The following RSU1 variants were observed in gnomAD, a reference collection of about 807,000 sequenced individuals.
RSU1 encodes Ras suppressor protein 1.
Under a neutral mutation model 31.1 loss-of-function variants are expected in RSU1, and 26 were observed. That is an observed-to-expected ratio of 0.84 (90% confidence interval 0.61 to 1.16). The LOEUF (loss-of-function observed/expected upper bound fraction) is 1.16. Ranked by LOEUF, RSU1 falls within the 50% of genes most tolerant of loss-of-function variation. The pLI is 0.00. For synonymous variants in RSU1, 164 were observed against 136.3 expected (o/e 1.20, Z -1.41); for missense variants, 320 against 339.1 (o/e 0.94, Z 0.44).
intron 8 of RSU1, among the ~76,000 whole-genome samples, chr10:16,653,129 G>A (rs368710353): frequency 3.9e-5 from 6 of 152,270 alleles, no homozygotes; most frequent in East Asian, 3.9e-4. Flanking sequence ...TCTTTCCAAA[G>A]GCTCTAACAG....
intron 2 of RSU1, among the ~76,000 whole-genome samples, chr10:16,792,291 G>A (rs1837938652): frequency 6.6e-6 from 1 of 152,204 alleles, no homozygotes; most frequent in Admixed American, 6.5e-5. Context: ...GGAGTGCAGT[G>A]GCACAGTCTC....
At chr10:16,671,749 C>T (rs1462406853) in intron 8 of RSU1, among the ~76,000 whole-genome samples, 1 of 151,900 alleles carries the variant, frequency 6.6e-6, no homozygotes, top group African/African-American at 2.4e-5. Flanking sequence ...CCTCAGCCTC[C>T]CAAGCAGCTG....
intron 7 of RSU1, among the ~76,000 whole-genome samples, chr10:16,706,353 G>C (rs983841899): frequency 1.3e-5 from 2 of 152,150 alleles, no homozygotes; most frequent in Non-Finnish European, 2.9e-5. Context: ...AATGACTAGA[G>C]ATGTTGAACA....
intron 2 of RSU1, among the ~76,000 whole-genome samples, chr10:16,801,476 A>G (rs1157367430): frequency 6.6e-6 from 1 of 152,184 alleles, no homozygotes; most frequent in Non-Finnish European, 1.5e-5. Flanking sequence ...TCAGTAATTG[A>G]CAGATCCAGC....
At chr10:16,715,498 G>A (rs1836122360) in intron 7 of RSU1, among the ~76,000 whole-genome samples, 1 of 152,048 alleles carries the variant, frequency 6.6e-6, no homozygotes, top group Non-Finnish European at 1.5e-5. Flanking sequence ...TTAGGCAAGG[G>A]TCCAACTTCA....
At position 16,752,609 on chromosome 10, in the gene RSU1, G is replaced by T. The variant is rs1250801502; in HGVS notation, c.528C>A (p.Ile176=). ...GCTCTTTAAGCTGGGTAAGCTCCCCGATTTCCTTAGGCAGCGAGATCAGGT... is the reference window on the plus strand; with the variant it reads ...GCTCTTTAAGCTGGGTAAGCTCCCCTATTTCCTTAGGCAGCGAGATCAGGT... ...DNDLISLPKE[I]GELTQLKELH... The change falls in exon 7 of 9, where the codon ATC becomes ATA. Residue 176 remains isoleucine (I), a synonymous_variant. Coordinates refer to ENST00000345264, the MANE Select transcript of RSU1 (RefSeq NM_012425.4). 2 of 1,614,118 alleles carry T rather than the reference G, an allele frequency of 1.2e-6. No individual in the cohort carries two copies. Among genetic ancestry groups the T allele is most frequent in the South Asian group, 1.1e-5 (1 of 91,078 alleles).
At chr10:16,806,176 G>A (rs547929260) in intron 2 of RSU1, among the ~76,000 whole-genome samples, 1 of 152,286 alleles carries the variant, frequency 6.6e-6, no homozygotes, top group East Asian at 1.9e-4. Context: ...GTTCAAATGG[G>A]ATAAACATAG....
intron 8 of RSU1, among the ~76,000 whole-genome samples, chr10:16,677,636 G>A (rs938043229): frequency 7.2e-5 from 11 of 152,252 alleles, no homozygotes; most frequent in Admixed American, 4.6e-4. Context: ...AAAATTTATA[G>A]AGAATATTTT....
At position 16,695,137 on chromosome 10, in the gene RSU1, C is replaced by A. The variant is rs765066723; in HGVS notation, c.617G>T (p.Gly206Val). 1 of 1,581,586 alleles carries A rather than the reference C, an allele frequency of 6.3e-7. No homozygotes were observed. Among genetic ancestry groups the A allele is most frequent in the Non-Finnish European group, 8.6e-7 (1 of 1,167,784 alleles). Residue 206 changes from glycine (G) to valine (V), a missense_variant, in exon 8 of 9, where the codon GGC becomes GTC. Coordinates refer to ENST00000345264, the MANE Select transcript of RSU1 (RefSeq NM_012425.4). The stretch of plus-strand genomic sequence containing the variant: ...CTCTGCTTTGAATACCTGCTTCTGG[C>A]CAGTTAAATCCAAGTTTCCTGGGGG... ...PPELGNLDLT[G>V]QKQVFKAENN...
At chr10:16,751,673 T>C (rs1836983754) in intron 7 of RSU1, among the ~76,000 whole-genome samples, 2 of 152,242 alleles carry the variant, frequency 1.3e-5, no homozygotes, top group Non-Finnish European at 2.9e-5. Context: ...TTCTAACAAA[T>C]GGCCTCTTCA....
chr10:16,740,405 T>G (rs1464508748), intron 7 of RSU1, among the ~76,000 whole-genome samples: 1 of 152,220 alleles, frequency 6.6e-6, no homozygotes, highest in African/African-American at 2.4e-5. Context: ...TATTCTATGG[T>G]GAATGACTGG....
At chr10:16,632,861 CTG>C (rs1232378491) in intron 8 of RSU1, among the ~76,000 whole-genome samples, 6 of 152,116 alleles carry the variant, frequency 3.9e-5, no homozygotes, top group Non-Finnish European at 8.8e-5. Flanking sequence ...GGGAGGATCT[CTG>C]AAGCCTGGGA....
intron 8 of RSU1, among the ~76,000 whole-genome samples, chr10:16,621,798 G>A (rs191402959): frequency 8.5e-5 from 13 of 152,144 alleles, no homozygotes; most frequent in East Asian, 1.9e-4. Flanking sequence ...TCCCTCCCAC[G>A]ACACATGGGG....
chr10:16,758,988 A>T (rs986399663), intron 4 of RSU1, among the ~76,000 whole-genome samples: 4 of 152,102 alleles, frequency 2.6e-5, no homozygotes, highest in Non-Finnish European at 5.9e-5. Flanking sequence ...TATGATGGAG[A>T]AGTTGATAAA....
intron 3 of RSU1, among the ~76,000 whole-genome samples, chr10:16,771,418 A>T (rs892981560): frequency 5.9e-5 from 9 of 152,214 alleles, no homozygotes; most frequent in African/African-American, 9.6e-5. Flanking sequence ...AGCCTTTTTA[A>T]TCTCTAGCTG....
intron 7 of RSU1, among the ~76,000 whole-genome samples, chr10:16,706,710 C>T (rs1048500039): frequency 2.6e-5 from 4 of 152,082 alleles, no homozygotes; most frequent in African/African-American, 7.2e-5. Flanking sequence ...ACCTCATGCA[C>T]GTATTTCTTT....
chr10:16,797,174 T>C (rs541350561), intron 2 of RSU1, among the ~76,000 whole-genome samples: 3 of 152,260 alleles, frequency 2.0e-5, no homozygotes, highest in African/African-American at 4.8e-5. Flanking sequence ...GGGCCTAGAA[T>C]CAAAGCTGGA....
chr10:16,758,871 T>C (rs1837148714), intron 4 of RSU1, among the ~76,000 whole-genome samples: 1 of 152,216 alleles, frequency 6.6e-6, no homozygotes, highest in African/African-American at 2.4e-5. Flanking sequence ...ACCTCAGGTG[T>C]TGAAACATAA....
intron 7 of RSU1, among the ~76,000 whole-genome samples, chr10:16,743,624 CTCTA>C (rs1836792665): frequency 1.3e-5 from 2 of 152,194 alleles, no homozygotes; most frequent in South Asian, 4.1e-4. Flanking sequence ...TCACTTACTG[CTCTA>C]TCTATTAAGC....
Sources: allele counts gnomAD v4.1 joint callset (sites outside exome capture counted in the v4.1 genomes callset), GRCh38; gene constraint gnomAD v4.1.1; transcripts MANE v1.5; gene names NCBI Gene and HGNC (gene_info 2026-07-23, HGNC 2026-07-21).